Variants in TM4SF20 observed in about 807,000 individuals in gnomAD.
TM4SF20 encodes transmembrane 4 L6 family member 20.
A neutral mutation model predicts 15.1 loss-of-function variants in TM4SF20; 13 were observed. The ratio of observed to expected loss-of-function variants is 0.86; its 90% CI spans 0.56 to 1.36. The LOEUF (loss-of-function observed/expected upper bound fraction) is 1.36, where lower values mean the gene tolerates loss of function less well. Ranked by LOEUF, TM4SF20 falls within the 40% of genes most tolerant of loss-of-function variation. The pLI, the probability that TM4SF20 is intolerant of heterozygous loss-of-function variation, is 0.00. For synonymous variants in TM4SF20, 92 were observed against 96.6 expected (o/e 0.95, Z 0.28); for missense variants, 282 against 268.4 (o/e 1.05, Z -0.35).
At position 227,370,974 on chromosome 2, in the gene TM4SF20, G is replaced by A. The variant is rs2076418670; in HGVS notation, c.190C>T (p.Pro64Ser). The A allele has an allele frequency of 6.2e-7, 1 of 1,613,810 alleles. No individual in the cohort carries two copies. Among genetic ancestry groups the A allele is most frequent in the Non-Finnish European group, 8.5e-7 (1 of 1,179,750 alleles). Reference protein sequence around the residue: ...GIIGAGLMAIPATTMSLTARK... With the variant: ...GIIGAGLMAISATTMSLTARK... ...GCTGTCAAGGACATTGTTGTTGCTG[G>A]AATGGCCTGGAAATGACATCAACAG... The change falls in exon 2 of 4, where the codon CCA becomes TCA. Residue 64 changes from proline to serine, a missense_variant. Pro to Ser is a moderately conservative substitution (Grantham distance 74). Coordinates refer to ENST00000304568, the MANE Select transcript of TM4SF20 (RefSeq NM_024795.4).
chr2:227,364,154 G>GC, intron 3 of TM4SF20, 142 bp from the exon 4 acceptor site: 2 of 844,076 alleles, frequency 2.4e-6, no homozygotes, highest in Non-Finnish European at 3.6e-6. Flanking sequence ...GGGTTTCTGA[G>GC]CATGTGTCCA....
At chr2:227,372,890 G>A (rs2076428013) in intron 1 of TM4SF20, among the ~76,000 whole-genome samples, 1 of 151,864 alleles carries the variant, frequency 6.6e-6, no homozygotes, top group Admixed American at 6.6e-5. Flanking sequence ...TATTCTGGGG[G>A]GCATTTTTTT....
chr2:227,380,300 A>T (rs1370087459), upstream of TM4SF20, among the ~76,000 whole-genome samples: 1 of 152,226 alleles, frequency 6.6e-6, no homozygotes. Context: ...ACTGCACCCC[A>T]GCCTGGGCGA....
At chr2:227,367,281 T>G (rs2106489453) in intron 2 of TM4SF20, among the ~76,000 whole-genome samples, 1 of 152,268 alleles carries the variant, frequency 6.6e-6, no homozygotes, top group Non-Finnish European at 1.5e-5. Flanking sequence ...GTTAGAAAGA[T>G]TGTACACATC....
In TM4SF20 at chr2:227,379,302, G is replaced by T; in HGVS notation, c.-34C>A. 4.4e-6 allele frequency: 7 copies of T among 1,597,436 alleles called. No individual in the cohort carries two copies. Among genetic ancestry groups the T allele is most frequent in the Non-Finnish European group, 6.0e-6 (7 of 1,167,422 alleles). The stretch of plus-strand genomic sequence containing the variant: ...CTGGCTCAGAAACGTTGTCAAAGTG[G>T]CTATGCTTGCATGGTACTATGTTGC... On this transcript the variant is annotated 5_prime_UTR_variant, in exon 1 of 4. Transcript: ENST00000304568.
intron 2 of TM4SF20, among the ~76,000 whole-genome samples, chr2:227,370,405 T>C (rs1054887346): frequency 6.6e-6 from 1 of 152,144 alleles, no homozygotes; most frequent in African/African-American, 2.4e-5. Context: ...CAACTCTAAA[T>C]GTTTGTGGGA....
chr2:227,370,497 C>A (rs2106491861), intron 2 of TM4SF20, among the ~76,000 whole-genome samples: 1 of 152,254 alleles, frequency 6.6e-6, no homozygotes, highest in East Asian at 1.9e-4. Flanking sequence ...TGGCTCAAAC[C>A]TGTAATCCCA....
In TM4SF20 at chr2:227,366,088, C is replaced by T. The variant is rs1244393612; in HGVS notation, c.401+5G>A. The T allele has an allele frequency of 6.2e-7, 1 of 1,610,950 alleles. No homozygotes were observed. The highest frequency in any genetic ancestry group is 2.2e-5 in the East Asian group (1 of 44,836). ...CAGTAAGCCTGTGAAAATCAAGTTA[C>T]TTACCTGATGTTTTTCAATGAAAAT... On this transcript the variant is annotated splice_donor_5th_base_variant and intron_variant, in intron 3 of 3. Coordinates refer to ENST00000304568, the MANE Select transcript of TM4SF20 (RefSeq NM_024795.4).
intron 1 of TM4SF20, among the ~76,000 whole-genome samples, chr2:227,372,760 G>A (rs183737608): frequency 1.3e-3 from 193 of 152,180 alleles, no homozygotes; most frequent in Non-Finnish European, 2.3e-3. Context: ...GCTGAAGTGC[G>A]GTGGCATGAT....
chr2:227,379,498 G>A (rs2076469784), upstream of TM4SF20: 2 of 437,126 alleles, frequency 4.6e-6, no homozygotes, highest in African/African-American at 4.0e-5. Context: ...AAAAATCTAT[G>A]AGATAAATTT....
chr2:227,373,950 G>A (rs1393562857), intron 1 of TM4SF20, among the ~76,000 whole-genome samples: 5 of 133,452 alleles, frequency 3.7e-5, no homozygotes, highest in Non-Finnish European at 8.0e-5. Context: ...AAAAAAATAT[G>A]TGGAAGAGGC....
chr2:227,371,558 G>T (rs999432248), intron 1 of TM4SF20, among the ~76,000 whole-genome samples: 20 of 152,122 alleles, frequency 1.3e-4, no homozygotes, highest in Admixed American at 1.2e-3. Context: ...GCCCAGACTG[G>T]TCCTGAACTC....
chr2:227,366,157 G>T lies in TM4SF20; in HGVS notation c.337C>A (p.Pro113Thr). Residue 113 changes from proline (P) to threonine (T), a missense_variant, in exon 3 of 4, where the codon CCT (proline) becomes ACT (threonine). Physicochemically the swap from Pro to Thr is conservative, Grantham distance 38. Coordinates refer to ENST00000304568, the MANE Select transcript of TM4SF20 (RefSeq NM_024795.4). ...LISIQALLKG[P>T]LMCNSPSNSN... ...TTGCTTGGAGAATTACACATGAGAG[G>T]ACCTTTTAAGAGAGCCTGGATGGAT... 1.9e-6 allele frequency: 3 copies of T among 1,614,074 alleles called. No individual in the cohort carries two copies. The highest frequency in any genetic ancestry group is 2.5e-6 in the Non-Finnish European group (3 of 1,180,002).
chr2:227,372,537 A>G (rs1258538259), intron 1 of TM4SF20, among the ~76,000 whole-genome samples: 1 of 152,116 alleles, frequency 6.6e-6, no homozygotes, highest in East Asian at 1.9e-4. Flanking sequence ...CCAGCTACTC[A>G]GGAAGCTGAG....
intron 1 of TM4SF20, among the ~76,000 whole-genome samples, chr2:227,377,888 A>G (rs1236168619): frequency 6.6e-6 from 1 of 152,126 alleles, no homozygotes; most frequent in Non-Finnish European, 1.5e-5. Flanking sequence ...AGTAGGCTTA[A>G]TATCTGGATG....
At chr2:227,375,867 A>G (rs1394703615) in intron 1 of TM4SF20, among the ~76,000 whole-genome samples, 2 of 152,234 alleles carry the variant, frequency 1.3e-5, no homozygotes, top group African/African-American at 2.4e-5. Flanking sequence ...AGTGAACTCA[A>G]TGAATAAGCA....
intron 2 of TM4SF20, among the ~76,000 whole-genome samples, chr2:227,370,650 C>G (rs561253033): frequency 6.6e-6 from 1 of 152,236 alleles, no homozygotes; most frequent in African/African-American, 2.4e-5. Flanking sequence ...CCCAGCTATT[C>G]AGGAGGCTGA....
chr2:227,379,014 G>A, intron 1 of TM4SF20, 72 bp downstream of exon 1: 3 of 1,487,170 alleles, frequency 2.0e-6, no homozygotes, highest in South Asian at 1.3e-5. Flanking sequence ...TGCAAGACTG[G>A]AAGACAGCTT....
At chr2:227,369,427 CT>C (rs57148409) in intron 2 of TM4SF20, among the ~76,000 whole-genome samples, 11 of 125,290 alleles carry the variant, frequency 8.8e-5, no homozygotes, top group South Asian at 2.4e-4. Context: ...CCCCATCTGT[CT>C]TTTTTTTTTT....
Sources: allele counts gnomAD v4.1 joint callset (sites outside exome capture counted in the v4.1 genomes callset), GRCh38; gene constraint gnomAD v4.1.1; transcripts MANE v1.5; gene names NCBI Gene and HGNC (gene_info 2026-07-23, HGNC 2026-07-21).